USP53: variants seen among roughly 807,000 people sequenced by gnomAD.
USP53 encodes ubiquitin specific peptidase 53.
Under a neutral mutation model 94.9 loss-of-function variants are expected in USP53, and 71 were observed. The observed-to-expected ratio is 0.75, with a 90% CI of 0.62 to 0.91. The LOEUF (loss-of-function observed/expected upper bound fraction) is 0.91. Among genes scored for constraint, USP53 ranks in the 40% least tolerant of loss-of-function variants. The probability of loss-of-function intolerance (pLI) is 0.00; values close to 1 mark genes in which losing one functional copy is unlikely to be tolerated. For missense variants in USP53, 1,173 were observed against 1,281.0 expected, an observed-to-expected ratio of 0.92 and a Z score of 1.29; for synonymous variants, 375 against 422.7, an observed-to-expected ratio of 0.89 and a Z score of 1.39.
chr4:119,292,502 G>T lies in USP53; in HGVS notation c.2513G>T (p.Arg838Ile). Residue 838 changes from arginine to isoleucine, a missense_variant, in exon 19 of 19, where the codon AGA becomes ATA. By Grantham distance (97) the Arg-to-Ile change is moderately conservative (BLOSUM62 -3). Transcript: ENST00000692078. ...SEWLNIENSE[R>I]TGLPFHVDNS... ...TGGCTTAATATAGAAAATTCTGAGAGAACAGGTTTGCCTTTTCACGTTGAT... is the reference window on the plus strand; with the variant it reads ...TGGCTTAATATAGAAAATTCTGAGATAACAGGTTTGCCTTTTCACGTTGAT... 6.2e-7 allele frequency: 1 copy of T among 1,613,958 alleles called. No individual in the cohort carries two copies. The highest frequency in any genetic ancestry group is 8.5e-7 in the Non-Finnish European group (1 of 1,179,916).
At chr4:119,275,509 T>C (rs1446903494) in intron 17 of USP53, among the ~76,000 whole-genome samples, 2 of 143,144 alleles carry the variant, frequency 1.4e-5, no homozygotes, top group African/African-American at 2.6e-5. Flanking sequence ...AGCCTTGTAG[T>C]ATAGTTTGAA....
At chr4:119,215,227 A>AATG (rs1394762789) in intron 2 of USP53, among the ~76,000 whole-genome samples, 2 of 152,192 alleles carry the variant, frequency 1.3e-5, no homozygotes, top group African/African-American at 2.4e-5. Context: ...GGTAGAAATT[A>AATG]ATGATGTTAC....
chr4:119,242,784 G>A (rs912731724), intron 5 of USP53, among the ~76,000 whole-genome samples: 1 of 152,104 alleles, frequency 6.6e-6, no homozygotes, highest in Non-Finnish European at 1.5e-5. Context: ...GAATACAAAT[G>A]TTGATTTGCA....
In USP53 at chr4:119,293,725, G is replaced by A. The variant is rs1036311501; in HGVS notation, c.*514G>A. 6.6e-6 allele frequency: 1 copy of A among 152,108 alleles called. No individual in the cohort carries two copies. The allele number at this position is 152,108 out of a possible 1,614,324, so 9.4% of individuals were successfully genotyped here. On this transcript the variant is annotated 3_prime_UTR_variant, in exon 19 of 19. Transcript: ENST00000692078. The stretch of plus-strand genomic sequence containing the variant: ...CCTGGTACTTTTTTGTCAAAGAATT[G>A]CTTTATGAAGAAGCACTTTCTAATG...
intron 6 of USP53, 45 bp downstream of exon 6, chr4:119,245,474 C>T: frequency 6.4e-7 from 1 of 1,571,494 alleles, no homozygotes; most frequent in Admixed American, 1.7e-5. Flanking sequence ...ATTGTTCCTT[C>T]AAAAATTTAA....
chr4:119,263,964 C>T (rs1358570733), intron 12 of USP53, among the ~76,000 whole-genome samples: 4 of 152,144 alleles, frequency 2.6e-5, no homozygotes. Flanking sequence ...ACTCAGGAGG[C>T]TGAGGCAGGA....
Position 119,268,255 on chromosome 4 carries a change from T to C in USP53, c.1136-13T>C. The C allele has an allele frequency of 6.3e-7, 1 of 1,592,968 alleles. No homozygotes were observed. Among genetic ancestry groups the C allele is most frequent in the Non-Finnish European group, 8.5e-7 (1 of 1,171,656 alleles). On this transcript the variant is annotated splice_polypyrimidine_tract_variant and intron_variant, in intron 13 of 18. Coordinates refer to ENST00000692078, the MANE Select transcript of USP53 (RefSeq NM_001371395.1). ...AAGGAAAGGAATGATACATTTTTGC[T>C]TCTCTTTTTAAGGATGTGAAAAGCC...
chr4:119,293,016 A>C lies in USP53; in HGVS notation c.3027A>C (p.Ala1009=). The C allele has an allele frequency of 6.2e-7, 1 of 1,614,138 alleles. No homozygotes were observed. Among genetic ancestry groups the C allele is most frequent in the Non-Finnish European group, 8.5e-7 (1 of 1,179,968 alleles). ...PSSSSTNDFQ[A]NSGAIDAFCQ... is the part of the protein sequence containing the mutation. ...GCTCCTCAACTAACGATTTTCAGGC[A>C]AACTCAGGTGCCATTGATGCATTTT... is the stretch of plus-strand genomic sequence containing the variant. Residue 1009 remains alanine (A), a synonymous_variant, in exon 19 of 19, where the codon GCA becomes GCC. Coordinates refer to ENST00000692078, the MANE Select transcript of USP53 (RefSeq NM_001371395.1).
intron 3 of USP53, chr4:119,218,157 A>G (rs999816667): frequency 3.3e-5 from 5 of 152,206 alleles, no homozygotes; most frequent in African/African-American, 4.8e-5. Flanking sequence ...AAAAGGAGTC[A>G]AAGATGACAT....
rs1035852215 is a variant in USP53 at position 119,293,929 on chromosome 4, C to T, written c.*718C>T. 2.0e-5 allele frequency: 3 copies of T among 151,988 alleles called. No individual in the cohort carries two copies. The highest frequency in any genetic ancestry group is 4.8e-5 in the African/African-American group (2 of 41,406). The allele number at this position is 151,988 out of a possible 1,614,324, so 9.4% of individuals were successfully genotyped here. A position where few individuals can be genotyped will look rare whatever the true frequency, so the allele number is the denominator to read the frequency against. On this transcript the variant is annotated 3_prime_UTR_variant, in exon 19 of 19. Transcript: ENST00000692078. Reference sequence around the variant, plus strand: ...AGATCGGATGGAATTTAATTTTGCTCCTAGAATTTTTGTCTTCAGAATATC... The same window carrying T: ...AGATCGGATGGAATTTAATTTTGCTTCTAGAATTTTTGTCTTCAGAATATC...
intron 4 of USP53, among the ~76,000 whole-genome samples, chr4:119,237,088 T>G (rs1285304902): frequency 6.6e-6 from 1 of 152,182 alleles, no homozygotes; most frequent in Non-Finnish European, 1.5e-5. Context: ...TACATCACCA[T>G]CAGAAATCTT....
intron 17 of USP53, 55 bp downstream of exon 17, chr4:119,273,763 T>C: frequency 7.1e-7 from 1 of 1,401,480 alleles, no homozygotes; most frequent in Non-Finnish European, 9.9e-7. Context: ...TATAGTAATT[T>C]ATTGTTTGCT....
At chr4:119,275,574 G>T (rs1393075109) in intron 17 of USP53, among the ~76,000 whole-genome samples, 7 of 150,098 alleles carry the variant, frequency 4.7e-5, no homozygotes, top group African/African-American at 1.7e-4. Context: ...TTGACTTGGC[G>T]ATGCGGGCTC....
chr4:119,254,398 T>A (rs923357426), intron 7 of USP53, among the ~76,000 whole-genome samples: 1 of 152,200 alleles, frequency 6.6e-6, no homozygotes, highest in African/African-American at 2.4e-5. Flanking sequence ...GTCCCATATT[T>A]CTTGGAGGCT....
At position 119,256,641 on chromosome 4, in the gene USP53, A is replaced by G. The variant is rs7668448; in HGVS notation, c.569+118A>G. The G allele has an allele frequency of 0.015, 15,673 of 1,034,932 alleles. 1,520 individuals are homozygous for G. The African/African-American group carries it at 0.22, about 14-fold the overall frequency. The allele number at this position is 1,034,932 out of a possible 1,614,324, so 64.1% of individuals were successfully genotyped here. ...TTTCCCCTCTCTGTCTGAGGCTACCAAGTATGCTGCTGTGAGATGTATTAA... is the reference window on the plus strand; with the variant it reads ...TTTCCCCTCTCTGTCTGAGGCTACCGAGTATGCTGCTGTGAGATGTATTAA... On this transcript the variant is annotated intron_variant, in intron 9 of 18. Coordinates refer to ENST00000692078, the MANE Select transcript of USP53 (RefSeq NM_001371395.1).
intron 3 of USP53, chr4:119,220,712 G>GA (rs1744395583): frequency 1.3e-5 from 2 of 152,204 alleles, no homozygotes; most frequent in South Asian, 4.2e-4. Flanking sequence ...TGCTGTTAAG[G>GA]AAAAAATTAT....
intron 12 of USP53, among the ~76,000 whole-genome samples, chr4:119,264,758 G>A (rs1476936089): frequency 6.6e-5 from 10 of 152,208 alleles, no homozygotes; most frequent in Non-Finnish European, 1.3e-4. Flanking sequence ...TTTCAAAACT[G>A]TCAGTTTCTT....
intron 3 of USP53, among the ~76,000 whole-genome samples, chr4:119,231,534 G>A (rs767012933): frequency 1.8e-4 from 27 of 152,096 alleles, no homozygotes; most frequent in Non-Finnish European, 2.2e-4. Flanking sequence ...AAACGAAGCA[G>A]CTTTCAAGTA....
At chr4:119,230,427 GT>G (rs1314686996) in intron 3 of USP53, among the ~76,000 whole-genome samples, 1 of 152,146 alleles carries the variant, frequency 6.6e-6, no homozygotes, top group East Asian at 1.9e-4. Context: ...GGGAGATCTG[GT>G]CATGAGTGTT....
Sources: allele counts gnomAD v4.1 joint callset (sites outside exome capture counted in the v4.1 genomes callset), GRCh38; gene constraint gnomAD v4.1.1; transcripts MANE v1.5; gene names NCBI Gene and HGNC (gene_info 2026-07-23, HGNC 2026-07-21).